Variants in MCCC2 observed in about 807,000 individuals in gnomAD.
MCCC2 encodes the protein methylcrotonyl-CoA carboxylase subunit 2, also known as methylcrotonoyl-CoA carboxylase beta chain, mitochondrial.
A neutral mutation model predicts 77.2 loss-of-function variants in MCCC2; 52 were observed. The ratio of observed to expected loss-of-function variants is 0.67; its 90% CI spans 0.54 to 0.85. The LOEUF (loss-of-function observed/expected upper bound fraction) is 0.85. MCCC2 is among the 40% of genes least tolerant of loss of function. The probability of loss-of-function intolerance (pLI) is 0.00; values close to 1 mark genes in which losing one functional copy is unlikely to be tolerated. For synonymous variants in MCCC2, 253 were observed against 248.4 expected (o/e 1.02, Z -0.18); for missense variants, 682 against 703.2 (o/e 0.97, Z 0.34).
intron 3 of MCCC2, 64 bp downstream of exon 3, chr5:71,596,428 C>T: frequency 2.9e-6 from 4 of 1,356,484 alleles, no homozygotes; most frequent in Non-Finnish European, 4.2e-6. Context: ...ATTAGACAGT[C>T]TTGTAAATCA....
Position 71,634,022 on chromosome 5 carries a change from G to T in MCCC2, c.804-921G>T, listed in dbSNP as rs1746833184. Among the ~76,000 whole-genome samples the T allele has an allele frequency of 2.0e-5, 3 of 152,192 alleles. No homozygotes were observed. In the South Asian group the frequency reaches 6.2e-4, roughly 32 times the overall value. ...TAAAGTAGAGTGTCATGAAATCACT[G>T]AGAGCCTAGCTCTAAGATATGTCTC... On this transcript the variant is annotated intron_variant, in intron 8 of 16. Coordinates refer to ENST00000340941, the MANE Select transcript of MCCC2 (RefSeq NM_022132.5).
At position 71,658,339 on chromosome 5, in the gene MCCC2, T is replaced by TTGCTTCTC. The variant is rs1747637067; in HGVS notation, c.*1481_*1488dup. The TTGCTTCTC allele has an allele frequency of 1.3e-5, 2 of 152,234 alleles. No individual in the cohort carries two copies. Among genetic ancestry groups the TTGCTTCTC allele is most frequent in the African/African-American group, 4.8e-5 (2 of 41,452 alleles). 9.4% of individuals were successfully genotyped at this position (152,234 alleles called of 1,614,324 possible). ...TCAACACATCCTTCAGTTTAAGCAC[T>TTGCTTCTC]TGCTTCTCTCAGTTTAAACTCCACT... On this transcript the variant is annotated 3_prime_UTR_variant, in exon 17 of 17. Transcript: ENST00000340941.
chr5:71,646,535 T>C (rs1747279937), intron 13 of MCCC2, among the ~76,000 whole-genome samples: 1 of 152,232 alleles, frequency 6.6e-6, no homozygotes, highest in Non-Finnish European at 1.5e-5. Flanking sequence ...TTAATTTTTG[T>C]ATTTTTGTAA....
chr5:71,623,401 G>C (rs983125773), intron 6 of MCCC2, among the ~76,000 whole-genome samples: 1 of 152,144 alleles, frequency 6.6e-6, no homozygotes, highest in Non-Finnish European at 1.5e-5. Flanking sequence ...CCAGCGCTTT[G>C]GAGGCCTGTT....
At position 71,587,449 on chromosome 5, in the gene MCCC2, C is replaced by T; in HGVS notation, c.24C>T (p.Ala8=). 1 of 1,535,162 alleles carries T rather than the reference C, an allele frequency of 6.5e-7. No homozygotes were observed. Among genetic ancestry groups the T allele is most frequent in the Non-Finnish European group, 8.7e-7 (1 of 1,146,192 alleles). MWAVLRL[A]LRPCARASPA... is the part of the protein sequence containing the mutation. ...CCATGTGGGCCGTCCTGAGGTTAGC[C>T]CTGCGGCCGTGTGCCCGCGCCTCTC... The change falls in exon 1 of 17, where the codon GCC becomes GCT. Residue 8 remains alanine (A), a synonymous_variant. Coordinates refer to ENST00000340941, the MANE Select transcript of MCCC2 (RefSeq NM_022132.5).
At chr5:71,614,194 G>A (rs2112373125) in intron 6 of MCCC2, among the ~76,000 whole-genome samples, 1 of 151,988 alleles carries the variant, frequency 6.6e-6, no homozygotes, top group Admixed American at 6.6e-5. Flanking sequence ...TCTGTTCTGA[G>A]CCTTTCCTGA....
At chr5:71,627,389 A>G (rs962003668) in intron 7 of MCCC2, among the ~76,000 whole-genome samples, 9 of 152,040 alleles carry the variant, frequency 5.9e-5, no homozygotes, top group South Asian at 2.1e-4. Context: ...ATGGAATTCT[A>G]TGTTTACTTT....
At chr5:71,611,568 A>C (rs1340856877) in intron 6 of MCCC2, among the ~76,000 whole-genome samples, 2 of 152,224 alleles carry the variant, frequency 1.3e-5, no homozygotes, top group African/African-American at 4.8e-5. Flanking sequence ...AAGTAGATTG[A>C]GTAAAAAACA....
In MCCC2 at chr5:71,652,554, A is replaced by T. The variant is rs1747463007; in HGVS notation, c.1489-115A>T. The T allele has an allele frequency of 1.4e-5, 11 of 804,672 alleles. No homozygotes were observed. The South Asian group carries it at 1.4e-4, about 11-fold the overall frequency. 49.8% of individuals were successfully genotyped at this position (804,672 alleles called of 1,614,324 possible). A position where few individuals can be genotyped will look rare whatever the true frequency, so the allele number is the denominator to read the frequency against. On this transcript the variant is annotated intron_variant, in intron 15 of 16. Transcript: ENST00000340941. ...TTGTAATTTATACATCACTATGCAC[A>T]TGTTAGATGTAACATTATTATTCAT...
chr5:71,618,220 T>C (rs1234409847), intron 6 of MCCC2, among the ~76,000 whole-genome samples: 2 of 152,200 alleles, frequency 1.3e-5, no homozygotes, highest in East Asian at 1.9e-4. Context: ...ATTGCCATTG[T>C]GGTGATGTTA....
chr5:71,635,469 A>G, intron 10 of MCCC2: 1 of 601,044 alleles, frequency 1.7e-6, no homozygotes, highest in Non-Finnish European at 3.0e-6. Flanking sequence ...AATGATTGGA[A>G]AGTTTTCATT....
chr5:71,635,425 GAGTAA>G, intron 10 of MCCC2, 179 bp downstream of exon 10: 1 of 700,366 alleles, frequency 1.4e-6, no homozygotes, highest in South Asian at 1.5e-5. Flanking sequence ...CATTGGCACA[GAGTAA>G]ATACTGAAAG....
intron 6 of MCCC2, among the ~76,000 whole-genome samples, chr5:71,624,027 C>A (rs1242455155): frequency 6.6e-6 from 1 of 152,184 alleles, no homozygotes; most frequent in Non-Finnish European, 1.5e-5. Context: ...ACATTTATTT[C>A]TCATAACTCT....
At chr5:71,599,813 A>G in intron 4 of MCCC2, 53 bp downstream of exon 4, 1 of 1,354,304 alleles carries the variant, frequency 7.4e-7, no homozygotes, top group Non-Finnish European at 1.1e-6. Flanking sequence ...GACTTTGATG[A>G]GGCACAGGCA....
intron 1 of MCCC2, among the ~76,000 whole-genome samples, chr5:71,590,574 TG>T (rs1744933050): frequency 6.6e-6 from 1 of 152,182 alleles, no homozygotes; most frequent in South Asian, 2.1e-4. Context: ...CCTAGCGCTT[TG>T]GGAGGCCGAG....
At position 71,640,901 on chromosome 5, in the gene MCCC2, A is replaced by G. The variant is rs142418829; in HGVS notation, c.1000-102A>G. 484 of 1,001,540 alleles carry G rather than the reference A, an allele frequency of 4.8e-4. 4 individuals carry two copies. The African/African-American group carries it at 6.5e-3, about 13-fold the overall frequency. The allele number at this position is 1,001,540 out of a possible 1,614,324, so 62.0% of individuals were successfully genotyped here. ...TTTCTGTGTAGTGTGAAATTTTGTG[A>G]AAGTGACAACTTCACTGTGAATTGT... On this transcript the variant is annotated intron_variant, in intron 10 of 16. Transcript: ENST00000340941.
At chr5:71,656,035 C>A (rs537991093) in intron 16 of MCCC2, among the ~76,000 whole-genome samples, 1 of 152,000 alleles carries the variant, frequency 6.6e-6, no homozygotes, top group African/African-American at 2.4e-5. Context: ...GCCAACATGG[C>A]GAAACCCCGT....
chr5:71,623,967 C>T lies in MCCC2; in HGVS notation c.625-2673C>T, dbSNP rs113237961. 8.7e-3 allele frequency among the ~76,000 whole-genome samples: 1,323 copies of T among 152,310 alleles called. 24 individuals are homozygous for T. Among genetic ancestry groups the T allele is most frequent in the African/African-American group, 0.03 (1,231 of 41,554 alleles). On this transcript the variant is annotated intron_variant, in intron 6 of 16. Coordinates refer to ENST00000340941, the MANE Select transcript of MCCC2 (RefSeq NM_022132.5). ...TACTCAAATGGTGTCTTAGTCATTT[C>T]CAGCTGCTATACCAAATTATCATAG...
chr5:71,648,997 A>T, intron 13 of MCCC2, 100 bp from the exon 14 acceptor site: 1 of 1,330,510 alleles, frequency 7.5e-7, no homozygotes, highest in South Asian at 1.2e-5. Context: ...AGAGGCATTT[A>T]GTAAGATGAG....
Sources: gnomAD v4.1 joint callset for allele counts (sites outside exome capture counted in the v4.1 genomes callset) on GRCh38, gnomAD v4.1.1 for gene constraint, MANE v1.5 for transcripts, NCBI Gene and HGNC (gene_info 2026-07-23, HGNC 2026-07-21) for gene names.